PRIM2: variants seen among roughly 807,000 people sequenced by gnomAD.
PRIM2 encodes DNA primase subunit 2, also known as DNA primase large subunit.
In PRIM2, 39 loss-of-function variants were observed where a neutral mutation model predicts 67.3. That is an observed-to-expected ratio of 0.58 (90% CI 0.45 to 0.76). The LOEUF (loss-of-function observed/expected upper bound fraction) is 0.76, where lower values mean the gene tolerates loss of function less well. PRIM2 is among the 30% of genes least tolerant of loss of function. The pLI is 0.00. For synonymous variants in PRIM2, 143 were observed against 198.7 expected (o/e 0.72, Z 2.36); for missense variants, 398 against 598.7 (o/e 0.66, Z 3.50).
At chr6:57,555,750 A>G (rs1309669712) in intron 10 of PRIM2, among the ~76,000 whole-genome samples, 99 of 152,274 alleles carry the variant, frequency 6.5e-4, no homozygotes, top group African/African-American at 2.3e-3. Context: ...TACCACAAAC[A>G]CTAGATAAGC....
intron 12 of PRIM2, among the ~76,000 whole-genome samples, chr6:57,618,788 C>T (rs1209739926): frequency 2.0e-5 from 3 of 152,138 alleles, no homozygotes; most frequent in African/African-American, 7.2e-5. Context: ...CAAGGAGAGT[C>T]TTTGCTCAGA....
At chr6:57,633,312 C>G (rs1777064981) in intron 13 of PRIM2, among the ~76,000 whole-genome samples, 2 of 152,134 alleles carry the variant, frequency 1.3e-5, no homozygotes, top group Admixed American at 1.3e-4. Context: ...CATTTTGTCT[C>G]TAAGTACATA....
At chr6:57,222,506 G>T in the PRIM2 span, among the ~76,000 whole-genome samples, 1 of 152,366 alleles carries the variant, frequency 6.6e-6, no homozygotes, top group African/African-American at 2.4e-5. Flanking sequence ...CGGTCCGCAT[G>T]AGTTTCGCCT....
chr6:57,596,979 C>T (rs1257146785), intron 10 of PRIM2, among the ~76,000 whole-genome samples: 1 of 151,678 alleles, frequency 6.6e-6, no homozygotes, highest in Non-Finnish European at 1.5e-5. Flanking sequence ...CATATTTATA[C>T]ATTCATCTTT....
chr6:57,434,820 C>T (rs1302489527), intron 7 of PRIM2, among the ~76,000 whole-genome samples: 1 of 151,902 alleles, frequency 6.6e-6, no homozygotes, highest in African/African-American at 2.4e-5. Context: ...CTTGCTCTGT[C>T]CCCCAGGCTG....
chr6:57,309,182 C>T, the PRIM2 span, among the ~76,000 whole-genome samples: 1 of 150,540 alleles, frequency 6.6e-6, no homozygotes, highest in Non-Finnish European at 1.5e-5. Context: ...GGTACATGTA[C>T]ACATTGTGCA....
chr6:57,444,349 A>G (rs1004948321), intron 7 of PRIM2, among the ~76,000 whole-genome samples: 2 of 152,122 alleles, frequency 1.3e-5, no homozygotes, highest in African/African-American at 4.8e-5. Context: ...CGGGCGGATC[A>G]CTAGGTCAAG....
chr6:57,442,570 C>A (rs1772234525), intron 7 of PRIM2, among the ~76,000 whole-genome samples: 1 of 152,104 alleles, frequency 6.6e-6, no homozygotes, highest in African/African-American at 2.4e-5. Flanking sequence ...CAGCACCAAT[C>A]CTCCTTTTGT....
chr6:57,614,274 C>T (rs1776716245), intron 12 of PRIM2, among the ~76,000 whole-genome samples: 1 of 152,304 alleles, frequency 6.6e-6, no homozygotes, highest in African/African-American at 2.4e-5. Flanking sequence ...ACAGTTTCAT[C>T]CTGAAACCAC....
the PRIM2 span, among the ~76,000 whole-genome samples, chr6:57,236,107 CGTAAGCT>C: frequency 6.6e-6 from 1 of 152,214 alleles, no homozygotes; most frequent in African/African-American, 2.4e-5. Context: ...GAGACTATAT[CGTAAGCT>C]GAATTTAGTA....
At chr6:57,312,829 T>G (rs1447248437), upstream of PRIM2, among the ~76,000 whole-genome samples, 1 of 152,210 alleles carries the variant, frequency 6.6e-6, no homozygotes, top group Admixed American at 6.5e-5. Context: ...ATTTTGCCTT[T>G]CATATACAAG....
Position 57,472,949 on chromosome 6 carries a change from C to T in PRIM2, c.694-34438C>T, listed in dbSNP as rs1773374407. 3.3e-5 allele frequency among the ~76,000 whole-genome samples: 5 copies of T among 152,102 alleles called. 1 individual carries two copies. In the South Asian group the frequency reaches 8.3e-4, roughly 25 times the overall value. Reference sequence around the variant, plus strand: ...GGAAAGGCAATTATATGCAGGAGGCCACTTTTCGTTGAATTAGTGTGTGTT... The same window carrying T: ...GGAAAGGCAATTATATGCAGGAGGCTACTTTTCGTTGAATTAGTGTGTGTT... On this transcript the variant is annotated intron_variant, in intron 7 of 13. Transcript: ENST00000615550.
At chr6:57,610,003 C>T (rs1279541344) in intron 12 of PRIM2, among the ~76,000 whole-genome samples, 1 of 152,104 alleles carries the variant, frequency 6.6e-6, no homozygotes, top group African/African-American at 2.4e-5. Flanking sequence ...GGTAGAACTC[C>T]ATGTGGTTAT....
rs1369620026 is a variant in PRIM2, at chr6:57,624,012, A to C, written c.1231-8121A>C. 3.3e-5 allele frequency among the ~76,000 whole-genome samples: 5 copies of C among 152,204 alleles called. No homozygotes were observed. The East Asian group carries it at 9.6e-4, about 29-fold the overall frequency. Reference sequence around the variant, plus strand: ...CATGATACATCTTTTAATAAGTATAATCTTCTAAAGTAATTATATAATCAG... The same window carrying C: ...CATGATACATCTTTTAATAAGTATACTCTTCTAAAGTAATTATATAATCAG... On this transcript the variant is annotated intron_variant, in intron 12 of 13. Transcript: ENST00000615550.
chr6:57,325,511 C>T (rs56674441), intron 4 of PRIM2, among the ~76,000 whole-genome samples: 5,179 of 152,162 alleles, frequency 0.034, 287 homozygotes, highest in African/African-American at 0.12. Flanking sequence ...CCAGGCTGGT[C>T]TCAAACTTCT....
chr6:57,396,573 C>T (rs1375754330), intron 7 of PRIM2, among the ~76,000 whole-genome samples: 1 of 152,152 alleles, frequency 6.6e-6, no homozygotes, highest in Admixed American at 6.5e-5. Context: ...TTGAAGGCAG[C>T]AGATAATTGG....
At chr6:57,581,298 G>T (rs1776080720) in intron 10 of PRIM2, among the ~76,000 whole-genome samples, 1 of 152,042 alleles carries the variant, frequency 6.6e-6, no homozygotes, top group Non-Finnish European at 1.5e-5. Context: ...CTTGTTTTAT[G>T]TTGGCTCCTT....
At chr6:57,313,068 T>C (rs1767417898), upstream of PRIM2, among the ~76,000 whole-genome samples, 1 of 152,198 alleles carries the variant, frequency 6.6e-6, no homozygotes, top group Admixed American at 6.5e-5. Context: ...GTACCAATAT[T>C]GTAATGTCTT....
At chr6:57,485,460 A>G (rs2127407147) in intron 7 of PRIM2, among the ~76,000 whole-genome samples, 1 of 152,200 alleles carries the variant, frequency 6.6e-6, no homozygotes, top group East Asian at 1.9e-4. Flanking sequence ...GAGATAGGTC[A>G]TGTGAATTAG....
Sources: gnomAD v4.1 joint callset for allele counts (sites outside exome capture counted in the v4.1 genomes callset) on GRCh38, gnomAD v4.1.1 for gene constraint, MANE v1.5 for transcripts, NCBI Gene and HGNC (gene_info 2026-07-23, HGNC 2026-07-21) for gene names.